ST6GALNAC2: variants seen among roughly 807,000 people sequenced by gnomAD.
ST6GALNAC2 encodes the protein ST6 N-acetylgalactosaminide alpha-2,6-sialyltransferase 2, also known as alpha-N-acetylgalactosaminide alpha-2,6-sialyltransferase 2.
ST6GALNAC2 carries 42 observed loss-of-function variants against 38.7 expected under a neutral mutation model. The ratio of observed to expected loss-of-function variants is 1.09; its 90% confidence interval spans 0.85 to 1.40. ST6GALNAC2 has a LOEUF of 1.40. Ranked by LOEUF, ST6GALNAC2 falls within the 40% of genes most tolerant of loss-of-function variation. The probability of loss-of-function intolerance (pLI) is 0.00; values close to 1 mark genes in which losing one functional copy is unlikely to be tolerated. For missense variants in ST6GALNAC2, 506 were observed against 481.7 expected (o/e 1.05, Z -0.47); for synonymous variants, 233 against 209.0 (o/e 1.11, Z -0.99).
At chr17:76,581,026 C>G (rs1476226489) in intron 1 of ST6GALNAC2, 2 of 152,234 alleles carry the variant, frequency 1.3e-5, no homozygotes, top group Non-Finnish European at 2.9e-5. Flanking sequence ...CCAGCAGCCA[C>G]AGGTGGAGGG....
At chr17:76,581,945 G>A (rs2075480786) in intron 1 of ST6GALNAC2, among the ~76,000 whole-genome samples, 1 of 151,860 alleles carries the variant, frequency 6.6e-6, no homozygotes, top group Non-Finnish European at 1.5e-5. Context: ...TTGGCTCACT[G>A]CAACCTCCAC....
At chr17:76,572,543 C>A (rs1042018485) in intron 5 of ST6GALNAC2, 94 bp downstream of exon 5, 2 of 1,461,760 alleles carry the variant, frequency 1.4e-6, no homozygotes, top group Admixed American at 1.8e-5. Flanking sequence ...ATCCACTGGA[C>A]CAGGGTGTGT....
chr17:76,566,418 G>T, intron 8 of ST6GALNAC2, 147 bp from the exon 9 acceptor site: 1 of 833,100 alleles, frequency 1.2e-6, no homozygotes, highest in Non-Finnish European at 1.9e-6. Context: ...CAAGTGGGGA[G>T]ATGGATTCAG....
rs753508965 is a variant in ST6GALNAC2 at position 76,567,536 on chromosome 17, A to C, written c.874T>G (p.Leu292Val). The C allele has an allele frequency of 1.2e-6, 2 of 1,613,688 alleles. No homozygotes were observed. The highest frequency in any genetic ancestry group is 1.7e-6 in the Non-Finnish European group (2 of 1,179,758). The change falls in exon 8 of 9, where the codon TTG (leucine) becomes GTG (valine). Residue 292 changes from leucine (L) to valine (V), a missense_variant. Transcript: ENST00000225276. Reference sequence around the variant, plus strand: ...AGGTCTCCAAAATGTGTGTTAATCAACTTTGATTTCAAGAACCTGGAAGCA... The same window carrying C: ...AGGTCTCCAAAATGTGTGTTAATCACCTTTGATTTCAAGAACCTGGAAGCA... ...YLTERFLKSK[L>V]INTHFGDLYM...
intron 5 of ST6GALNAC2, among the ~76,000 whole-genome samples, chr17:76,571,436 A>G (rs778736472): frequency 1.3e-5 from 2 of 152,188 alleles, no homozygotes; most frequent in Non-Finnish European, 2.9e-5. Flanking sequence ...TCCACTAAAA[A>G]TACAAAAATT....
intron 1 of ST6GALNAC2, 200 bp from the exon 2 acceptor site, chr17:76,579,016 T>C (rs2075447755): frequency 5.4e-6 from 2 of 367,464 alleles, no homozygotes; most frequent in South Asian, 7.9e-5. Flanking sequence ...GCCTCCTGGG[T>C]TCAAGTGATT....
rs981670257 is a variant in ST6GALNAC2 at position 76,570,436 on chromosome 17, A to C, written c.773+129T>G. On this transcript the variant is annotated intron_variant, in intron 6 of 8. Transcript: ENST00000225276. ...AATAATTGGGGATGATTGAATTCTT[A>C]GGGCTGTTCTTACTGCCCTTCACCC... The C allele has an allele frequency of 1.3e-5, 8 of 633,036 alleles. No individual in the cohort carries two copies. The African/African-American group carries it at 1.5e-4, about 12-fold the overall frequency. 39.2% of individuals were successfully genotyped at this position (633,036 alleles called of 1,614,324 possible).
At chr17:76,581,416 G>A (rs1223662633) in intron 1 of ST6GALNAC2, among the ~76,000 whole-genome samples, 3 of 152,102 alleles carry the variant, frequency 2.0e-5, no homozygotes, top group Non-Finnish European at 1.5e-5. Context: ...CTGGGGTCGG[G>A]GGAGGGCATT....
intron 5 of ST6GALNAC2, among the ~76,000 whole-genome samples, chr17:76,571,618 G>A (rs922304853): frequency 2.6e-5 from 4 of 152,174 alleles, no homozygotes; most frequent in Non-Finnish European, 5.9e-5. Flanking sequence ...GTCTAAAGCT[G>A]CTCTATTTTG....
Position 76,574,484 on chromosome 17 carries a change from C to T in ST6GALNAC2, c.242G>A (p.Arg81His), listed in dbSNP as rs767316340. 24 of 1,598,698 alleles carry T rather than the reference C, an allele frequency of 1.5e-5. No individual in the cohort carries two copies. Among genetic ancestry groups the T allele is most frequent in the East Asian group, 4.6e-5 (2 of 43,786 alleles). ...HLAIQRHPHF[R>H]GLFNLSIPVL... ...TGGAATGGAGAGATTGAACAGGCCA[C>T]GGAAGTGGGGGTGCCGCTGAATGGC... The change falls in exon 3 of 9, where the codon CGT (arginine) becomes CAT (histidine). Residue 81 changes from arginine to histidine, a missense_variant. Arg to His is a conservative substitution (Grantham distance 29). Transcript: ENST00000225276.
At position 76,572,758 on chromosome 17, in the gene ST6GALNAC2, A is replaced by G. The variant is rs2075367493; in HGVS notation, c.548T>C (p.Ile183Thr). Residue 183 changes from isoleucine (I) to threonine (T), a missense_variant, in exon 5 of 9, where the codon ATC becomes ACC. Coordinates refer to ENST00000225276, the MANE Select transcript of ST6GALNAC2 (RefSeq NM_006456.3). ...GCCCACATCGCGCTCGAAGCCTTTG[A>G]TCACAGCTCCATTGAGTCTGGTTGG... ...DYVFRLNGAV[I>T]KGFERDVGTK... The G allele has an allele frequency of 2.5e-6, 4 of 1,614,138 alleles. No individual in the cohort carries two copies. In the African/African-American group the frequency reaches 4.0e-5, roughly 16 times the overall value.
At chr17:76,572,081 C>T (rs2143298154) in intron 5 of ST6GALNAC2, among the ~76,000 whole-genome samples, 1 of 152,138 alleles carries the variant, frequency 6.6e-6, no homozygotes, top group Admixed American at 6.5e-5. Context: ...AGCTGGGTGA[C>T]CCTGGACATG....
At chr17:76,575,075 G>A (rs1232133222) in intron 2 of ST6GALNAC2, among the ~76,000 whole-genome samples, 1 of 152,094 alleles carries the variant, frequency 6.6e-6, no homozygotes, top group Non-Finnish European at 1.5e-5. Context: ...ATGTCCCCTT[G>A]GCCTGGTGGT....
rs71158029 is a variant in ST6GALNAC2 at position 76,583,812 on chromosome 17, C to CTTT, written c.125+1869_125+1871dup. 2.4e-4 allele frequency among the ~76,000 whole-genome samples: 32 copies of CTTT among 136,168 alleles called. 1 individual carries two copies. In the East Asian group the frequency reaches 3.0e-3, roughly 13 times the overall value. 89.3% of individuals were successfully genotyped at this position (136,168 alleles called of 152,430 possible). A position where few individuals can be genotyped will look rare whatever the true frequency, so the allele number is the denominator to read the frequency against. ...ATGTATAGGGTACAGTGTGATATTT[C>CTTT]TTTTTTTTTTTTTTGAGATGGAGTC... is the stretch of plus-strand genomic sequence containing the variant. On this transcript the variant is annotated intron_variant, in intron 1 of 8. Transcript: ENST00000225276.
chr17:76,578,765 C>A lies in ST6GALNAC2; in HGVS notation c.177G>T (p.Trp59Cys). 1.2e-6 allele frequency: 2 copies of A among 1,613,422 alleles called. No individual in the cohort carries two copies. Among genetic ancestry groups the A allele is most frequent in the Non-Finnish European group, 1.7e-6 (2 of 1,179,758 alleles). ...AFFQSKASNS[W>C]TGKGQACRHL... ...TAGTCGACCACTCTACCTTTCCTGTCCAAGAATTCGATGCCTTGGATTGAA... is the reference window on the plus strand; with the variant it reads ...TAGTCGACCACTCTACCTTTCCTGTACAAGAATTCGATGCCTTGGATTGAA... The change falls in exon 2 of 9, where the codon TGG (tryptophan) becomes TGT (cysteine). Residue 59 changes from tryptophan (W) to cysteine (C), a missense_variant. Transcript: ENST00000225276.
chr17:76,568,423 GTGC>G, intron 7 of ST6GALNAC2: 8 of 472,830 alleles, frequency 1.7e-5, no homozygotes, highest in Non-Finnish European at 3.0e-5. Context: ...CACTGCTGCT[GTGC>G]ACCTTATGGT....
At chr17:76,582,790 C>A (rs2075495431) in intron 1 of ST6GALNAC2, among the ~76,000 whole-genome samples, 1 of 152,146 alleles carries the variant, frequency 6.6e-6, no homozygotes, top group African/African-American at 2.4e-5. Context: ...GCTCATGTGG[C>A]CTGCCGGCTC....
At chr17:76,569,599 G>A (rs1008932990) in intron 6 of ST6GALNAC2, 1 of 398,602 alleles carries the variant, frequency 2.5e-6, no homozygotes, top group Non-Finnish European at 4.4e-6. Flanking sequence ...ACGGGACTGG[G>A]AGGGAGACTG....
intron 1 of ST6GALNAC2, among the ~76,000 whole-genome samples, chr17:76,579,282 T>C (rs1375531453): frequency 6.6e-6 from 1 of 152,212 alleles, no homozygotes; most frequent in Admixed American, 6.5e-5. Context: ...CTTTCTTATG[T>C]TTTGCCTCAC....
Sources: allele counts gnomAD v4.1 joint callset (sites outside exome capture counted in the v4.1 genomes callset), GRCh38; gene constraint gnomAD v4.1.1; transcripts MANE v1.5; gene names NCBI Gene and HGNC (gene_info 2026-07-23, HGNC 2026-07-21).